The following RFPL3 variants were observed in gnomAD, a reference collection of about 807,000 sequenced individuals.
The protein encoded by RFPL3 is ret finger protein like 3, also known as ret finger protein-like 3.
Under a neutral mutation model 8.7 loss-of-function variants are expected in RFPL3, and 8 were observed. The observed-to-expected ratio is 0.92, with a 90% CI of 0.54 to 1.66. The LOEUF (loss-of-function observed/expected upper bound fraction) is 1.66, where lower values mean the gene tolerates loss of function less well. RFPL3 is among the 40% of genes most tolerant of loss of function. The pLI is 0.00. For synonymous variants in RFPL3, 145 were observed against 150.5 expected, an observed-to-expected ratio of 0.96 and a Z score of 0.27; for missense variants, 341 against 395.0, an observed-to-expected ratio of 0.86 and a Z score of 1.16.
upstream of RFPL3, among the ~76,000 whole-genome samples, chr22:32,355,389 C>G (rs28404482): frequency 0.071 from 10,877 of 152,192 alleles, 825 homozygotes; most frequent in East Asian, 0.46. Context: ...TCCTCTCAGA[C>G]AGCAGCTGGA....
chr22:32,358,097 C>T lies in RFPL3; in HGVS notation c.26C>T (p.Thr9Ile). The change falls in exon 1 of 2, where the codon ACT becomes ATT. Residue 9 changes from threonine (T) to isoleucine (I), a missense_variant. By Grantham distance (89) the Thr-to-Ile change is moderately conservative (BLOSUM62 -1). Transcript: ENST00000249007. ...ATGAAAAGGTTGTCACTTGTCACAACTAACAGGCTTTCACCTCAAGGAAAT... is the reference window on the plus strand; with the variant it reads ...ATGAAAAGGTTGTCACTTGTCACAATTAACAGGCTTTCACCTCAAGGAAAT... MKRLSLVT[T>I]NRLSPQGNFL... 1 of 1,613,790 alleles carries T rather than the reference C, an allele frequency of 6.2e-7. No homozygotes were observed. Among genetic ancestry groups the T allele is most frequent in the Non-Finnish European group, 8.5e-7 (1 of 1,179,712 alleles).
chr22:32,360,405 C>A lies in RFPL3; in HGVS notation c.527C>A (p.Thr176Asn). Residue 176 changes from threonine to asparagine, a missense_variant, in exon 2 of 2, where the codon ACC becomes AAC. By Grantham distance (65) the Thr-to-Asn change is moderately conservative (BLOSUM62 0). Coordinates refer to ENST00000249007, the MANE Select transcript of RFPL3 (RefSeq NM_001098535.1). ...TGCATCCTGGGCTCCCCTCGCTTTA[C>A]CTGTGGCCGCCACTACTGGGAGGTG... Reference protein sequence around the residue: ...SVCILGSPRFTCGRHYWEVDV... With the variant: ...SVCILGSPRFNCGRHYWEVDV... The A allele has an allele frequency of 6.2e-7, 1 of 1,613,908 alleles. No individual in the cohort carries two copies. The highest frequency in any genetic ancestry group is 8.5e-7 in the Non-Finnish European group (1 of 1,179,882).
chr22:32,358,501 G>C (rs1225201364), intron 1 of RFPL3, 57 bp downstream of exon 1: 14 of 1,551,020 alleles, frequency 9.0e-6, no homozygotes, highest in East Asian at 4.5e-5. Flanking sequence ...AAAATCATCT[G>C]TGCAGTTGGC....
upstream of RFPL3, among the ~76,000 whole-genome samples, chr22:32,356,122 G>A (rs1444641721): frequency 2.0e-5 from 3 of 152,148 alleles, no homozygotes; most frequent in Admixed American, 1.3e-4. Flanking sequence ...CAGGGCTGGG[G>A]AGCTGGGCAG....
upstream of RFPL3, among the ~76,000 whole-genome samples, chr22:32,355,358 A>G (rs772488146): frequency 2.6e-4 from 40 of 152,244 alleles, no homozygotes; most frequent in Non-Finnish European, 3.8e-4. Flanking sequence ...CTTCTAGGCT[A>G]TGTTCTCTGT....
upstream of RFPL3, among the ~76,000 whole-genome samples, chr22:32,357,472 C>CCTT (rs543220133): frequency 2.1e-5 from 3 of 145,126 alleles, no homozygotes; most frequent in African/African-American, 2.5e-5. Context: ...ATCCAGCCCC[C>CCTT]TTTTTTTTTT....
chr22:32,356,098 G>A (rs77579466), upstream of RFPL3, among the ~76,000 whole-genome samples: 1 of 152,120 alleles, frequency 6.6e-6, no homozygotes, highest in Non-Finnish European at 1.5e-5. Context: ...CAGTGTCCTG[G>A]ACAGCCTGGC....
upstream of RFPL3, among the ~76,000 whole-genome samples, chr22:32,355,793 A>AAAAG (rs1441422373): frequency 6.7e-6 from 1 of 148,228 alleles, no homozygotes; most frequent in African/African-American, 2.6e-5. Flanking sequence ...AAAAAAAAAA[A>AAAAG]AAAAAAAGAA....
chr22:32,357,385 G>A (rs146397890), upstream of RFPL3, among the ~76,000 whole-genome samples: 688 of 151,996 alleles, frequency 4.5e-3, 9 homozygotes, highest in African/African-American at 0.016. Context: ...GTCCAGACTC[G>A]TCTCAAATTC....
chr22:32,359,039 A>T (rs1258498263), intron 1 of RFPL3, among the ~76,000 whole-genome samples: 4 of 151,808 alleles, frequency 2.6e-5, no homozygotes, highest in Admixed American at 1.3e-4. Context: ...AAATACTATC[A>T]CTCTCCATAA....
upstream of RFPL3, among the ~76,000 whole-genome samples, chr22:32,355,608 A>G (rs1932637636): frequency 6.6e-6 from 1 of 152,116 alleles, no homozygotes; most frequent in Non-Finnish European, 1.5e-5. Context: ...TGCATGTGTC[A>G]GAGACCAAAT....
At chr22:32,359,906 T>C (rs1452111822) in intron 1 of RFPL3, 1 of 273,690 alleles carries the variant, frequency 3.7e-6, no homozygotes, top group South Asian at 7.6e-5. Flanking sequence ...ACCACTTGCA[T>C]TGTCTTAATT....
At chr22:32,358,493 A>G (rs564237154) in intron 1 of RFPL3, 49 bp downstream of exon 1, 59 of 1,564,716 alleles carry the variant, frequency 3.8e-5, no homozygotes, top group Non-Finnish European at 5.1e-5. Flanking sequence ...GACCAGGAAA[A>G]ATCATCTGTG....
chr22:32,357,526 G>T (rs1046903137), upstream of RFPL3, among the ~76,000 whole-genome samples: 7 of 151,882 alleles, frequency 4.6e-5, no homozygotes, highest in African/African-American at 1.7e-4. Context: ...GAGTGCAATG[G>T]CACAATCTTG....
chr22:32,356,484 G>A (rs937739450), upstream of RFPL3, among the ~76,000 whole-genome samples: 4 of 152,136 alleles, frequency 2.6e-5, no homozygotes, highest in Non-Finnish European at 4.4e-5. Context: ...TAAGAACCCA[G>A]GGTGAGTGTC....
upstream of RFPL3, among the ~76,000 whole-genome samples, chr22:32,355,725 G>T (rs1241825285): frequency 2.0e-5 from 3 of 147,622 alleles, no homozygotes; most frequent in African/African-American, 5.0e-5. Context: ...AGAGGTTGCA[G>T]TGAGCCAAGA....
rs1200036324 is a variant in RFPL3 at position 32,359,863 on chromosome 22, T to C, written c.374-389T>C. 10 of 209,872 alleles carry C rather than the reference T, an allele frequency of 4.8e-5. No homozygotes were observed. In the Admixed American group the frequency reaches 5.2e-4, roughly 11 times the overall value. 13.0% of individuals were successfully genotyped at this position (209,872 alleles called of 1,614,324 possible). On this transcript the variant is annotated intron_variant, in intron 1 of 1. Transcript: ENST00000249007. ...TGCTCTATATACTGAATTGGAGCAA[T>C]AAAATGTGGAAGCAGAAACATATTT...
At position 32,360,352 on chromosome 22, in the gene RFPL3, C is replaced by T. The variant is rs1421927093; in HGVS notation, c.474C>T (p.Asp158=). 6.2e-7 allele frequency: 1 copy of T among 1,613,938 alleles called. No individual in the cohort carries two copies. The highest frequency in any genetic ancestry group is 8.5e-7 in the Non-Finnish European group (1 of 1,179,870). Residue 158 remains aspartate (D), a synonymous_variant, in exon 2 of 2, where the codon GAC becomes GAT. Transcript: ENST00000249007. ...GGCTCATCACACAGAATCGGCAAGA[C>T]CTTGCCGAGAGATTTGACGTGTCCG... is the stretch of plus-strand genomic sequence containing the variant. ...RSGLITQNRQ[D]LAERFDVSVC... is the part of the protein sequence containing the mutation.
Position 32,359,844 on chromosome 22 carries a change from A to G in RFPL3, c.374-408A>G, listed in dbSNP as rs575912939. The stretch of plus-strand genomic sequence containing the variant: ...AAACAAAAGCCTGGAATCATGCTCT[A>G]TATACTGAATTGGAGCAATAAAATG... On this transcript the variant is annotated intron_variant, in intron 1 of 1. Coordinates refer to ENST00000249007, the MANE Select transcript of RFPL3 (RefSeq NM_001098535.1). 3.6e-5 allele frequency: 7 copies of G among 195,176 alleles called. No individual in the cohort carries two copies. In the South Asian group the frequency reaches 7.5e-4, roughly 21 times the overall value. 12.1% of individuals were successfully genotyped at this position (195,176 alleles called of 1,614,324 possible).
Sources: allele counts gnomAD v4.1 joint callset (sites outside exome capture counted in the v4.1 genomes callset), GRCh38; gene constraint gnomAD v4.1.1; transcripts MANE v1.5; gene names NCBI Gene and HGNC (gene_info 2026-07-23, HGNC 2026-07-21).